TAF4B: variants seen among roughly 807,000 people sequenced by gnomAD.
TAF4B encodes transcription initiation factor TFIID subunit 4B.
TAF4B carries 38 observed loss-of-function variants against 86.4 expected under a neutral mutation model. The ratio of observed to expected loss-of-function variants is 0.44; its 90% CI spans 0.34 to 0.58. The LOEUF is 0.58. Among genes scored for constraint, TAF4B ranks in the 20% least tolerant of loss-of-function variants. The probability of loss-of-function intolerance (pLI) is 0.02; values close to 1 mark genes in which losing one functional copy is unlikely to be tolerated. For synonymous variants in TAF4B, 388 were observed against 391.2 expected (o/e 0.99, Z 0.10); for missense variants, 988 against 1,027.6 (o/e 0.96, Z 0.53).
chr18:26,335,408 GCT>G (rs1568159414), intron 13 of TAF4B, among the ~76,000 whole-genome samples, 177 bp downstream of exon 13: 1 of 152,120 alleles, frequency 6.6e-6, no homozygotes, highest in Non-Finnish European at 1.5e-5. Flanking sequence ...TGAGTTATGT[GCT>G]CTCTTTTTAA....
intron 1 of TAF4B, among the ~76,000 whole-genome samples, chr18:26,259,335 G>A (rs1489467624): frequency 6.6e-6 from 1 of 151,302 alleles, no homozygotes; most frequent in African/African-American, 2.4e-5. Flanking sequence ...TACACAACAT[G>A]CAGGTTTGTT....
In TAF4B at chr18:26,322,830, G is replaced by A. The variant is rs562003491; in HGVS notation, c.2133+1630G>A. On this transcript the variant is annotated intron_variant, in intron 11 of 14. Coordinates refer to ENST00000269142, the MANE Select transcript of TAF4B (RefSeq NM_005640.3). Reference sequence around the variant, plus strand: ...TTAGTTTCATAAGATGTAAAGTTAGGTTTTTTATTTGAGATCTTCCTTTTA... The same window carrying A: ...TTAGTTTCATAAGATGTAAAGTTAGATTTTTTATTTGAGATCTTCCTTTTA... Among the ~76,000 whole-genome samples the A allele has an allele frequency of 3.3e-5, 5 of 151,768 alleles. No homozygotes were observed. In the East Asian group the frequency reaches 9.7e-4, roughly 29 times the overall value.
At position 26,389,906 on chromosome 18, in the gene TAF4B, A is replaced by T; in HGVS notation, c.2483A>T (p.His828Leu). 6.2e-7 allele frequency: 1 copy of T among 1,614,156 alleles called. No homozygotes were observed. Among genetic ancestry groups the T allele is most frequent in the South Asian group, 1.1e-5 (1 of 91,078 alleles). The change falls in exon 15 of 15, where the codon CAT becomes CTT. Residue 828 changes from histidine to leucine, a missense_variant. Physicochemically the swap from His to Leu is moderately conservative, Grantham distance 99. Coordinates refer to ENST00000269142, the MANE Select transcript of TAF4B (RefSeq NM_005640.3). ...TSSLTATKQL[H>L]RPRITRICLR... The stretch of plus-strand genomic sequence containing the variant: ...AGCCTGACAGCCACCAAACAGTTGC[A>T]TCGTCCAAGAATCACGAGAATCTGC...
In TAF4B at chr18:26,283,926, T is replaced by A. The variant is rs150353673; in HGVS notation, c.972+1866T>A. ...AAAGTTAGTTGGACGTGGTGGCGCA[T>A]GCCTATAGTCCCAGCTACTTGGGAG... On this transcript the variant is annotated intron_variant, in intron 6 of 14. Coordinates refer to ENST00000269142, the MANE Select transcript of TAF4B (RefSeq NM_005640.3). Among the ~76,000 whole-genome samples the A allele has an allele frequency of 5.5e-3, 830 of 152,190 alleles. 10 individuals are homozygous for A. The highest frequency in any genetic ancestry group is 0.019 in the African/African-American group (795 of 41,526).
intron 1 of TAF4B, among the ~76,000 whole-genome samples, chr18:26,252,408 G>T (rs554330433): frequency 6.6e-6 from 1 of 152,008 alleles, no homozygotes; most frequent in African/African-American, 2.4e-5. Flanking sequence ...TTTTTAGAGG[G>T]TTCATTAGGA....
At chr18:26,386,588 C>G (rs1462775269) in intron 14 of TAF4B, among the ~76,000 whole-genome samples, 1 of 152,186 alleles carries the variant, frequency 6.6e-6, no homozygotes, top group Non-Finnish European at 1.5e-5. Flanking sequence ...TCATCTCCCC[C>G]ATGGGAACTC....
At chr18:26,339,141 C>G (rs547658643) in intron 13 of TAF4B, among the ~76,000 whole-genome samples, 7 of 152,180 alleles carry the variant, frequency 4.6e-5, no homozygotes, top group African/African-American at 7.2e-5. Flanking sequence ...TTCCCTTTCT[C>G]TGTTGCCTGA....
intron 1 of TAF4B, among the ~76,000 whole-genome samples, chr18:26,240,626 A>G (rs2055822721): frequency 6.6e-6 from 1 of 152,300 alleles, no homozygotes; most frequent in East Asian, 1.9e-4. Flanking sequence ...ACTATGTTGA[A>G]TAGGAGTGGT....
chr18:26,336,235 G>A (rs180707250), intron 13 of TAF4B, among the ~76,000 whole-genome samples: 3 of 152,316 alleles, frequency 2.0e-5, no homozygotes, highest in Admixed American at 6.5e-5. Context: ...AAGGATCTTT[G>A]TGCTAAATAA....
In TAF4B at chr18:26,391,509, G is replaced by A. The variant is rs1285100726; in HGVS notation, c.*1497G>A. On this transcript the variant is annotated 3_prime_UTR_variant, in exon 15 of 15. Transcript: ENST00000269142. ...AGTTATGTAAAATGCTATAAATTAT[G>A]TGTATGTTAAAGGAGTACTTTAAGA... 2.0e-5 allele frequency: 3 copies of A among 151,982 alleles called. No individual in the cohort carries two copies. The highest frequency in any genetic ancestry group is 4.4e-5 in the Non-Finnish European group (3 of 67,988). 9.4% of individuals were successfully genotyped at this position (151,982 alleles called of 1,614,324 possible). A position where few individuals can be genotyped will look rare whatever the true frequency, so the allele number is the denominator to read the frequency against.
chr18:26,372,688 C>T (rs927968021), intron 14 of TAF4B, among the ~76,000 whole-genome samples: 3 of 151,918 alleles, frequency 2.0e-5, no homozygotes, highest in Non-Finnish European at 4.4e-5. Flanking sequence ...ATAATAACAC[C>T]GGCTGGGCGC....
At chr18:26,236,703 C>T (rs1415151207) in intron 1 of TAF4B, among the ~76,000 whole-genome samples, 1 of 152,134 alleles carries the variant, frequency 6.6e-6, no homozygotes, top group Non-Finnish European at 1.5e-5. Flanking sequence ...GTTTGTTTGT[C>T]TGAGGGCCAT....
chr18:26,352,710 C>T (rs72881835), intron 13 of TAF4B, among the ~76,000 whole-genome samples: 6,374 of 152,050 alleles, frequency 0.042, 183 homozygotes, highest in Non-Finnish European at 0.058. Flanking sequence ...AAGATGAGAT[C>T]GCATCACTGC....
At chr18:26,369,180 G>A (rs1197680542) in intron 14 of TAF4B, among the ~76,000 whole-genome samples, 2 of 152,016 alleles carry the variant, frequency 1.3e-5, no homozygotes, top group African/African-American at 4.8e-5. Flanking sequence ...AGATAAAAGG[G>A]AGAATATGGA....
intron 1 of TAF4B, among the ~76,000 whole-genome samples, chr18:26,254,676 G>A (rs1315665051): frequency 6.6e-6 from 1 of 152,138 alleles, no homozygotes. Context: ...TTTCTACTGT[G>A]CGGTAATGCT....
chr18:26,251,555 A>G (rs956474021), intron 1 of TAF4B, among the ~76,000 whole-genome samples: 1 of 152,190 alleles, frequency 6.6e-6, no homozygotes, highest in African/African-American at 2.4e-5. Flanking sequence ...CTGGACCACG[A>G]TACACTTTAA....
At chr18:26,256,232 A>T in intron 1 of TAF4B, 1 of 1,587,338 alleles carries the variant, frequency 6.3e-7, no homozygotes, top group Non-Finnish European at 8.6e-7. Context: ...CATGCAATCC[A>T]GAACAGCTGT....
chr18:26,349,214 G>T (rs563474054), intron 13 of TAF4B, among the ~76,000 whole-genome samples: 73 of 152,230 alleles, frequency 4.8e-4, no homozygotes, highest in Non-Finnish European at 2.1e-4. Flanking sequence ...CAGGTAGTGA[G>T]CATAGTACCC....
Position 26,265,155 on chromosome 18 carries a change from CT to C in TAF4B, c.344-9del, listed in dbSNP as rs2056220976. On this transcript the variant is annotated splice_polypyrimidine_tract_variant and intron_variant, in intron 1 of 14. Transcript: ENST00000269142. ...AGTGGCTCAGAGGTCACTTTTTTTTCTTTTTTAAATATAGGAACCGTTTTGA... is the reference window on the plus strand; with the variant it reads ...AGTGGCTCAGAGGTCACTTTTTTTTCTTTTTAAATATAGGAACCGTTTTGA... 3.1e-6 allele frequency: 5 copies of C among 1,589,796 alleles called. No homozygotes were observed. Among genetic ancestry groups the C allele is most frequent in the Non-Finnish European group, 4.3e-6 (5 of 1,172,818 alleles).
Sources: gnomAD v4.1 joint callset for allele counts (sites outside exome capture counted in the v4.1 genomes callset) on GRCh38, gnomAD v4.1.1 for gene constraint, MANE v1.5 for transcripts, NCBI Gene and HGNC (gene_info 2026-07-23, HGNC 2026-07-21) for gene names.